Variants in SORCS2 observed in about 807,000 individuals in gnomAD.
The protein encoded by SORCS2 is VPS10 domain-containing receptor SorCS2.
A neutral mutation model predicts 141.6 loss-of-function variants in SORCS2; 100 were observed. That is an observed-to-expected ratio of 0.71 (90% CI 0.60 to 0.83). SORCS2 has a LOEUF of 0.83. Ranked by LOEUF, SORCS2 falls within the 40% of genes least tolerant of loss-of-function variation. SORCS2 has a pLI of 0.00. For missense variants in SORCS2, 1,646 were observed against 1,560.2 expected (o/e 1.05, Z -0.93); for synonymous variants, 789 against 676.9 (o/e 1.17, Z -2.57).
chr4:7,389,646 G>T (rs1377315187), intron 1 of SORCS2, among the ~76,000 whole-genome samples: 1 of 152,212 alleles, frequency 6.6e-6, no homozygotes, highest in African/African-American at 2.4e-5. Context: ...TCCCCTCCTG[G>T]GGTGCACAGG....
At chr4:7,699,753 C>A (rs111648392) in intron 12 of SORCS2, among the ~76,000 whole-genome samples, 1 of 152,108 alleles carries the variant, frequency 6.6e-6, no homozygotes, top group African/African-American at 2.4e-5. Context: ...CTCCGCCACC[C>A]GCCTGGCCAT....
At chr4:7,613,365 C>T (rs78847747) in intron 3 of SORCS2, among the ~76,000 whole-genome samples, 3,916 of 152,350 alleles carry the variant, frequency 0.026, 89 homozygotes, top group African/African-American at 0.059. Context: ...CGGGGCTCTG[C>T]GTGGCCAGGT....
chr4:7,370,581 C>T (rs76028086), intron 1 of SORCS2, among the ~76,000 whole-genome samples: 2,980 of 152,352 alleles, frequency 0.02, 101 homozygotes, highest in African/African-American at 0.068. Flanking sequence ...CACATCAACA[C>T]GCTCAATGAT....
intron 3 of SORCS2, among the ~76,000 whole-genome samples, chr4:7,580,641 C>T (rs559591711): frequency 1.3e-5 from 2 of 152,302 alleles, no homozygotes; most frequent in East Asian, 3.9e-4. Flanking sequence ...CAGTGTTTCA[C>T]ATCTACCTGT....
chr4:7,525,889 A>AGTCACCTGTCCCCTCCTC (rs1560356334), intron 2 of SORCS2, among the ~76,000 whole-genome samples: 13 of 113,684 alleles, frequency 1.1e-4, no homozygotes, highest in Non-Finnish European at 7.1e-5. Context: ...TCCCCTCCTC[A>AGTCACCTGTCCCCTCCTC]GTCACCTGTC....
chr4:7,664,179 G>A lies in SORCS2; in HGVS notation c.953-174G>A, dbSNP rs1028887612. Among the ~76,000 whole-genome samples, 4 of 152,172 alleles carry A rather than the reference G, an allele frequency of 2.6e-5. No homozygotes were observed. Among genetic ancestry groups the A allele is most frequent in the African/African-American group, 9.7e-5 (4 of 41,428 alleles). On this transcript the variant is annotated intron_variant, in intron 6 of 26. Coordinates refer to ENST00000507866, the MANE Select transcript of SORCS2 (RefSeq NM_020777.3). The surrounding 1 kb of genome is among the most constrained non-coding windows in gnomAD (Gnocchi z 4.7). ...CGTGTCAGAGTGCAGGTGGCCCACAGTGAGCGAGGATGACACCCTCAGCCG... is the reference window on the plus strand; with the variant it reads ...CGTGTCAGAGTGCAGGTGGCCCACAATGAGCGAGGATGACACCCTCAGCCG...
At chr4:7,581,118 G>T (rs1716112076) in intron 3 of SORCS2, among the ~76,000 whole-genome samples, 1 of 146,876 alleles carries the variant, frequency 6.8e-6, no homozygotes, top group African/African-American at 2.5e-5. Context: ...AAAGTGATAT[G>T]TCTAATTCAA....
chr4:7,738,341 G>A (rs1206537642), intron 26 of SORCS2, among the ~76,000 whole-genome samples: 1 of 152,252 alleles, frequency 6.6e-6, no homozygotes, highest in African/African-American at 2.4e-5. Flanking sequence ...CAGCTCAGCA[G>A]CCGAGGAGGC....
chr4:7,457,410 C>A (rs893744267), intron 2 of SORCS2, among the ~76,000 whole-genome samples: 1 of 152,020 alleles, frequency 6.6e-6, no homozygotes, highest in Non-Finnish European at 1.5e-5. Context: ...CAGTGAACAT[C>A]GCAAGCTGGC....
chr4:7,531,645 G>T lies in SORCS2; in HGVS notation c.648+16G>T, dbSNP rs773651196. 1 of 1,609,224 alleles carries T rather than the reference G, an allele frequency of 6.2e-7. No individual in the cohort carries two copies. Among genetic ancestry groups the T allele is most frequent in the Non-Finnish European group, 8.5e-7 (1 of 1,177,212 alleles). Reference sequence around the variant, plus strand: ...CAAGAGGAAGGTAGGTGCTGGCTGGGGGTGGCCGCCACTCTGGCTCTCGCC... The same window carrying T: ...CAAGAGGAAGGTAGGTGCTGGCTGGTGGTGGCCGCCACTCTGGCTCTCGCC... On this transcript the variant is annotated intron_variant, in intron 3 of 26. Coordinates refer to ENST00000507866, the MANE Select transcript of SORCS2 (RefSeq NM_020777.3).
At chr4:7,544,263 T>C (rs890576371) in intron 3 of SORCS2, among the ~76,000 whole-genome samples, 3 of 152,196 alleles carry the variant, frequency 2.0e-5, no homozygotes, top group African/African-American at 7.2e-5. Flanking sequence ...CCCATGGCCA[T>C]CTATGCTGCT....
intron 3 of SORCS2, among the ~76,000 whole-genome samples, chr4:7,620,765 C>T (rs886490103): frequency 3.9e-5 from 6 of 152,176 alleles, no homozygotes; most frequent in African/African-American, 1.4e-4. Context: ...GAAACTGAAG[C>T]TGAAGCTGAG....
intron 2 of SORCS2, among the ~76,000 whole-genome samples, chr4:7,517,146 GACACACT>G (rs1248355035): frequency 6.6e-6 from 1 of 152,192 alleles, no homozygotes; most frequent in Admixed American, 6.5e-5. Flanking sequence ...TTTCTGATCA[GACACACT>G]GAGGACACGC....
rs777575058 is a variant in SORCS2, at chr4:7,396,388, T to C, written c.548+33T>C. 5.0e-6 allele frequency: 8 copies of C among 1,606,458 alleles called. No individual in the cohort carries two copies. In the East Asian group the frequency reaches 1.1e-4, roughly 22 times the overall value. The stretch of plus-strand genomic sequence containing the variant: ...AGCCCGATGGCAGGCCTTTCTCTTA[T>C]GCACCTGCGTGCCATCTTCCCAGGC... On this transcript the variant is annotated intron_variant, in intron 2 of 26. Coordinates refer to ENST00000507866, the MANE Select transcript of SORCS2 (RefSeq NM_020777.3).
chr4:7,531,737 G>A (rs940130553), intron 3 of SORCS2, 108 bp downstream of exon 3: 9 of 1,123,192 alleles, frequency 8.0e-6, no homozygotes, highest in Non-Finnish European at 1.2e-5. Flanking sequence ...CTTTGGCCCA[G>A]GCCGGAGTGT....
At chr4:7,331,760 G>T (rs182626034) in intron 1 of SORCS2, among the ~76,000 whole-genome samples, 1 of 152,202 alleles carries the variant, frequency 6.6e-6, no homozygotes, top group African/African-American at 2.4e-5. Flanking sequence ...TCTGCAGAGC[G>T]CCTTGGAAGG....
intron 2 of SORCS2, among the ~76,000 whole-genome samples, chr4:7,457,340 G>T (rs535668357): frequency 6.6e-6 from 1 of 152,374 alleles, no homozygotes; most frequent in South Asian, 2.1e-4. Flanking sequence ...AGGACTGCAG[G>T]TGGGGAGGGA....
At position 7,220,395 on chromosome 4, in the gene SORCS2, C is replaced by T. The variant is rs181342215; in HGVS notation, c.480+27269C>T. The stretch of plus-strand genomic sequence containing the variant: ...TCTGAGTCTTCTCTGCACCCCACTA[C>T]TGGATTCAAGGCATGGTGGAGTAAT... On this transcript the variant is annotated intron_variant, in intron 1 of 26. Coordinates refer to ENST00000507866, the MANE Select transcript of SORCS2 (RefSeq NM_020777.3). Among the ~76,000 whole-genome samples the T allele has an allele frequency of 1.1e-4, 16 of 152,266 alleles. 1 individual carries two copies. The highest frequency in any genetic ancestry group is 1.0e-3 in the Admixed American group (16 of 15,300).
intron 2 of SORCS2, among the ~76,000 whole-genome samples, chr4:7,409,045 G>A (rs753319671): frequency 5.3e-5 from 8 of 152,180 alleles, no homozygotes; most frequent in African/African-American, 1.2e-4. Flanking sequence ...AGGAGCTCAC[G>A]TATCATCATC....
Sources: gnomAD v4.1 joint callset for allele counts (sites outside exome capture counted in the v4.1 genomes callset) on GRCh38, gnomAD v4.1.1 for gene constraint, Gnocchi (gnomAD v3.1) non-coding constraint, MANE v1.5 for transcripts, NCBI Gene and HGNC (gene_info 2026-07-23, HGNC 2026-07-21) for gene names.